Variants in PLEKHA2 observed in about 807,000 individuals in gnomAD.
PLEKHA2 encodes the protein pleckstrin homology domain-containing family A member 2.
Under a neutral mutation model 53.2 loss-of-function variants are expected in PLEKHA2, and 28 were observed. That is an observed-to-expected ratio of 0.53 (90% confidence interval 0.39 to 0.72). PLEKHA2 has a LOEUF of 0.72. Ranked by LOEUF, PLEKHA2 falls within the 30% of genes least tolerant of loss-of-function variation. The probability of loss-of-function intolerance (pLI) is 0.00; values close to 1 mark genes in which losing one functional copy is unlikely to be tolerated. For synonymous variants in PLEKHA2, 193 were observed against 196.4 expected (o/e 0.98, Z 0.14); for missense variants, 426 against 537.9 (o/e 0.79, Z 2.06).
intron 1 of PLEKHA2, among the ~76,000 whole-genome samples, chr8:38,905,601 T>TC (rs893269511): frequency 1.4e-5 from 2 of 147,528 alleles, no homozygotes; most frequent in African/African-American, 5.1e-5. Flanking sequence ...CCATTTACGC[T>TC]CCCCCCTCAC....
At chr8:38,926,819 G>A (rs1834297260) in intron 2 of PLEKHA2, among the ~76,000 whole-genome samples, 1 of 152,144 alleles carries the variant, frequency 6.6e-6, no homozygotes, top group African/African-American at 2.4e-5. Context: ...GGAGGCTGAG[G>A]CAGGAGAATC....
chr8:38,958,156 T>C (rs1834975310), intron 10 of PLEKHA2, among the ~76,000 whole-genome samples: 1 of 152,050 alleles, frequency 6.6e-6, no homozygotes, highest in Non-Finnish European at 1.5e-5. Flanking sequence ...GAAAACCCCA[T>C]CTTTATAAAA....
At chr8:38,933,367 C>T (rs946010777) in intron 2 of PLEKHA2, among the ~76,000 whole-genome samples, 3 of 152,164 alleles carry the variant, frequency 2.0e-5, no homozygotes, top group African/African-American at 7.2e-5. Flanking sequence ...CCTGTGGTTA[C>T]AGAGCATTAA....
intron 3 of PLEKHA2, 138 bp from the exon 4 acceptor site, chr8:38,943,651 G>T: frequency 1.5e-6 from 1 of 662,344 alleles, no homozygotes; most frequent in Non-Finnish European, 2.4e-6. Flanking sequence ...TGAGTACAGG[G>T]TTTTCATTTA....
chr8:38,903,551 C>G (rs541348311), intron 1 of PLEKHA2, among the ~76,000 whole-genome samples: 2 of 151,714 alleles, frequency 1.3e-5, no homozygotes, highest in African/African-American at 4.8e-5. Flanking sequence ...GGTTTTTGTT[C>G]TGCAGAAGTG....
rs1249657633 is a variant in PLEKHA2, at chr8:38,968,589, C to T, written c.838-3C>T. The T allele has an allele frequency of 6.2e-7, 1 of 1,613,654 alleles. No homozygotes were observed. Among genetic ancestry groups the T allele is most frequent in the Admixed American group, 1.7e-5 (1 of 59,968 alleles). On this transcript the variant is annotated splice_region_variant and splice_polypyrimidine_tract_variant and intron_variant, in intron 10 of 11. Coordinates refer to ENST00000617275, the MANE Select transcript of PLEKHA2 (RefSeq NM_021623.2). ...CTTGGTAAGAGCCATGGATGTTTTGCAGGCAGACAGTCCAGAAGACATGCA... is the reference window on the plus strand; with the variant it reads ...CTTGGTAAGAGCCATGGATGTTTTGTAGGCAGACAGTCCAGAAGACATGCA...
intron 10 of PLEKHA2, among the ~76,000 whole-genome samples, chr8:38,968,172 A>C (rs1014299318): frequency 6.6e-6 from 1 of 152,174 alleles, no homozygotes; most frequent in African/African-American, 2.4e-5. Context: ...TACAGTGGAA[A>C]GGCAACTATG....
intron 1 of PLEKHA2, among the ~76,000 whole-genome samples, chr8:38,904,841 A>T (rs889774638): frequency 2.6e-5 from 4 of 152,336 alleles, no homozygotes; most frequent in Middle Eastern, 3.4e-3. Flanking sequence ...AGTAGTAATG[A>T]TGACCATGTA....
intron 2 of PLEKHA2, among the ~76,000 whole-genome samples, chr8:38,935,117 G>T (rs1008224171): frequency 6.6e-6 from 1 of 152,102 alleles, no homozygotes; most frequent in East Asian, 1.9e-4. Flanking sequence ...AGGTTCAAGC[G>T]ATTCTCCTGC....
chr8:38,965,376 T>G (rs1296458324), intron 10 of PLEKHA2, among the ~76,000 whole-genome samples: 3 of 152,152 alleles, frequency 2.0e-5, no homozygotes, highest in African/African-American at 7.2e-5. Context: ...TTCAGTAGAC[T>G]GCTGGAAGGA....
At chr8:38,949,656 A>T (rs1588266608) in intron 5 of PLEKHA2, among the ~76,000 whole-genome samples, 1 of 152,240 alleles carries the variant, frequency 6.6e-6, no homozygotes, top group Non-Finnish European at 1.5e-5. Context: ...AAGATAGCTC[A>T]TTCTTCCAAA....
Position 38,969,464 on chromosome 8 carries a change from G to A in PLEKHA2, c.959G>A (p.Ser320Asn). 1 of 1,613,848 alleles carries A rather than the reference G, an allele frequency of 6.2e-7. No individual in the cohort carries two copies. The highest frequency in any genetic ancestry group is 8.5e-7 in the Non-Finnish European group (1 of 1,179,830). The change falls in exon 12 of 12, where the codon AGC becomes AAC. Residue 320 changes from serine (S) to asparagine (N), a missense_variant. Ser to Asn is a conservative substitution (Grantham distance 46). Transcript: ENST00000617275. ...TCCATTTCTTTGACCCGACCTGGAAGCTCCAGCCTTTCAAGTGGGCCCAAC... is the reference window on the plus strand; with the variant it reads ...TCCATTTCTTTGACCCGACCTGGAAACTCCAGCCTTTCAAGTGGGCCCAAC... ...SRSISLTRPGSSSLSSGPNSI... is the reference protein window; with the variant it reads ...SRSISLTRPGNSSLSSGPNSI...
intron 5 of PLEKHA2, among the ~76,000 whole-genome samples, chr8:38,948,315 C>T (rs13271183): frequency 0.31 from 47,428 of 151,892 alleles, 7,641 homozygotes; most frequent in Non-Finnish European, 0.34. Flanking sequence ...GTCAGGCAGT[C>T]CTAGAGCCAA....
intron 3 of PLEKHA2, among the ~76,000 whole-genome samples, chr8:38,937,637 G>GC (rs1446367302): frequency 6.6e-6 from 1 of 152,146 alleles, no homozygotes; most frequent in Non-Finnish European, 1.5e-5. Flanking sequence ...CTGCCGTTTA[G>GC]CCCCTTCCCG....
intron 9 of PLEKHA2, among the ~76,000 whole-genome samples, chr8:38,954,108 T>A (rs1166304306): frequency 6.6e-6 from 1 of 152,176 alleles, no homozygotes; most frequent in Non-Finnish European, 1.5e-5. Context: ...TTTGTGTCCC[T>A]CCGTCTCATG....
Position 38,969,858 on chromosome 8 carries a change from C to T in PLEKHA2, c.*75C>T. 6.5e-7 allele frequency: 1 copy of T among 1,527,174 alleles called. No individual in the cohort carries two copies. The highest frequency in any genetic ancestry group is 1.2e-5 in the South Asian group (1 of 81,814). 94.6% of individuals were successfully genotyped at this position (1,527,174 alleles called of 1,614,324 possible). A position where few individuals can be genotyped will look rare whatever the true frequency, so the allele number is the denominator to read the frequency against. On this transcript the variant is annotated 3_prime_UTR_variant, in exon 12 of 12. Coordinates refer to ENST00000617275, the MANE Select transcript of PLEKHA2 (RefSeq NM_021623.2). ...GGAGGCTGTGACTCAGTTTCTCTAC[C>T]TTGTTGGAGGGTAGTCAGAGGCCTT...
intron 10 of PLEKHA2, among the ~76,000 whole-genome samples, chr8:38,964,817 A>G (rs77523208): frequency 6.8e-6 from 1 of 147,414 alleles, no homozygotes; most frequent in African/African-American, 2.5e-5. Flanking sequence ...GTGAGGTTTT[A>G]AAGTGATTTT....
rs761682917 is a variant in PLEKHA2 at position 38,970,656 on chromosome 8, G to C, written c.*873G>C. On this transcript the variant is annotated 3_prime_UTR_variant, in exon 12 of 12. Coordinates refer to ENST00000617275, the MANE Select transcript of PLEKHA2 (RefSeq NM_021623.2). Reference sequence around the variant, plus strand: ...TACTAAAAAATATGCAAAATTAGCCGGGCGTGGTGGTGCAGGCCTGTAATC... The same window carrying C: ...TACTAAAAAATATGCAAAATTAGCCCGGCGTGGTGGTGCAGGCCTGTAATC... 6.3e-6 allele frequency: 1 copy of C among 159,704 alleles called. No homozygotes were observed. The highest frequency in any genetic ancestry group is 2.4e-5 in the African/African-American group (1 of 41,462). The allele number at this position is 159,704 out of a possible 1,614,324, so 9.9% of individuals were successfully genotyped here. A position where few individuals can be genotyped will look rare whatever the true frequency, so the allele number is the denominator to read the frequency against.
At chr8:38,913,497 A>G (rs73674620) in intron 1 of PLEKHA2, among the ~76,000 whole-genome samples, 10,530 of 152,074 alleles carry the variant, frequency 0.069, 1,218 homozygotes, top group African/African-American at 0.24. Flanking sequence ...TTGCTCTTCC[A>G]CAGGAGCTTG....
Sources: gnomAD v4.1 joint callset for allele counts (sites outside exome capture counted in the v4.1 genomes callset) on GRCh38, gnomAD v4.1.1 for gene constraint, MANE v1.5 for transcripts, NCBI Gene and HGNC (gene_info 2026-07-23, HGNC 2026-07-21) for gene names.